ATG4A: variants seen among roughly 807,000 people sequenced by gnomAD.
ATG4A encodes cysteine protease ATG4A.
A neutral mutation model predicts 38.4 loss-of-function variants in ATG4A; 22 were observed. The ratio of observed to expected loss-of-function variants is 0.57; its 90% CI spans 0.41 to 0.82. The LOEUF (loss-of-function observed/expected upper bound fraction) is 0.82. Among genes scored for constraint, ATG4A ranks in the 40% least tolerant of loss-of-function variants. ATG4A has a pLI of 0.00. For missense variants in ATG4A, 220 were observed against 290.0 expected, an observed-to-expected ratio of 0.76 and a Z score of 1.75; for synonymous variants, 86 against 100.7, an observed-to-expected ratio of 0.85 and a Z score of 0.88.
intron 1 of ATG4A, among the ~76,000 whole-genome samples, chrX:108,118,924 TATG>T (rs2147986538): frequency 8.9e-6 from 1 of 112,365 alleles, no homozygotes; most frequent in Non-Finnish European, 1.9e-5. Context: ...TTAATTCGAT[TATG>T]ATATTATGAT....
intron 1 of ATG4A, among the ~76,000 whole-genome samples, chrX:108,098,441 T>A (rs762866290): frequency 1.8e-5 from 2 of 111,925 alleles, no homozygotes; most frequent in Non-Finnish European, 3.8e-5. Context: ...CCCCATATAA[T>A]CTTCATCTGA....
chrX:108,131,724 C>T (rs900139880), intron 4 of ATG4A, among the ~76,000 whole-genome samples: 1 of 111,793 alleles, frequency 8.9e-6, no homozygotes, highest in Admixed American at 9.4e-5. Context: ...TTCTTGACCT[C>T]ATTTAAGATA....
Position 108,150,152 on chromosome X carries a change from G to A in ATG4A, c.815G>A (p.Gly272Asp), listed in dbSNP as rs761392331. Reference sequence around the variant, plus strand: ...GTTAAGCATATCTCCTTCAAAACAGGTGACGAGCTCATCTTCTTGGACCCT... The same window carrying A: ...GTTAAGCATATCTCCTTCAAAACAGATGACGAGCTCATCTTCTTGGACCCT... ...NNAYYFIGFL[G>D]DELIFLDPHT... Residue 272 changes from glycine to aspartate, a missense_variant and splice_region_variant, in exon 10 of 13, where the codon GGT becomes GAT. By Grantham distance (94) the Gly-to-Asp change is moderately conservative. Coordinates refer to ENST00000372232, the MANE Select transcript of ATG4A (RefSeq NM_052936.5). The A allele has an allele frequency of 8.3e-7, 1 of 1,211,205 alleles. No individual in the cohort carries two copies. The highest frequency in any genetic ancestry group is 1.8e-5 in the South Asian group (1 of 56,896).
rs147917299 is a variant in ATG4A at position 108,107,813 on chromosome X, C to A, written c.10+15977C>A. Among the ~76,000 whole-genome samples the A allele has an allele frequency of 1.8e-4, 20 of 111,120 alleles. No homozygotes were observed. In the East Asian group the frequency reaches 5.4e-3, roughly 30 times the overall value. On this transcript the variant is annotated intron_variant, in intron 1 of 12. Coordinates refer to ENST00000372232, the MANE Select transcript of ATG4A (RefSeq NM_052936.5). ...AATTTCAGGATCCTCACTAGGCCTC[C>A]AGTGACACCACTGACACCTCCCTAG...
At chrX:108,109,982 G>A (rs2032309449) in intron 1 of ATG4A, among the ~76,000 whole-genome samples, 1 of 110,910 alleles carries the variant, frequency 9.0e-6, no homozygotes, top group African/African-American at 3.3e-5. Flanking sequence ...GTTTTAGGAT[G>A]AATTTTCCTT....
chrX:108,110,668 A>G (rs1047279930), intron 1 of ATG4A, among the ~76,000 whole-genome samples: 1 of 111,882 alleles, frequency 8.9e-6, no homozygotes, highest in Non-Finnish European at 1.9e-5. Flanking sequence ...ACTTTTTTCA[A>G]CTTTCACATA....
At chrX:108,144,044 C>T (rs759377409) in intron 9 of ATG4A, among the ~76,000 whole-genome samples, 2 of 111,936 alleles carry the variant, frequency 1.8e-5, no homozygotes, top group Non-Finnish European at 3.8e-5. Flanking sequence ...GAGCTCACTG[C>T]CACACTTTCT....
At chrX:108,146,721 C>T (rs1418460487) in intron 9 of ATG4A, among the ~76,000 whole-genome samples, 5 of 111,971 alleles carry the variant, frequency 4.5e-5, no homozygotes, top group Non-Finnish European at 7.5e-5. Flanking sequence ...ATCCACTCCA[C>T]CATCCCAATC....
intron 1 of ATG4A, among the ~76,000 whole-genome samples, chrX:108,098,068 C>G (rs56257303): frequency 0.35 from 38,727 of 110,684 alleles, 5,313 homozygotes; most frequent in Non-Finnish European, 0.42. Context: ...CCCATCAACT[C>G]GTCATTTACA....
intron 1 of ATG4A, among the ~76,000 whole-genome samples, chrX:108,121,087 T>A (rs1435912116): frequency 8.9e-6 from 1 of 111,858 alleles, no homozygotes; most frequent in African/African-American, 3.3e-5. Flanking sequence ...CAATCTTCTG[T>A]TTTCTAAGTT....
Position 108,150,308 on chromosome X carries a change from G to T in ATG4A, c.960+11G>T, listed in dbSNP as rs371883076. The T allele has an allele frequency of 8.3e-7, 1 of 1,211,417 alleles. No individual in the cohort carries two copies. Among genetic ancestry groups the T allele is most frequent in the Non-Finnish European group, 1.1e-6 (1 of 895,265 alleles). On this transcript the variant is annotated intron_variant, in intron 10 of 12. Transcript: ENST00000372232. ...CCTTCAGTTGCATTGGTGGGTATTC[G>T]TAGGTTGGGTGGGCCAGGAGATACG... is the stretch of plus-strand genomic sequence containing the variant.
At chrX:108,139,353 G>A (rs750188704) in intron 9 of ATG4A, among the ~76,000 whole-genome samples, 28 of 112,303 alleles carry the variant, frequency 2.5e-4, no homozygotes, top group Non-Finnish European at 4.3e-4. Flanking sequence ...TCATCTTACA[G>A]TAAAGTGTTC....
intron 1 of ATG4A, among the ~76,000 whole-genome samples, chrX:108,116,635 C>A (rs1230984642): frequency 3.6e-5 from 4 of 111,847 alleles, no homozygotes; most frequent in African/African-American, 1.3e-4. Flanking sequence ...TTGCAGGATA[C>A]CCAGACTGGA....
intron 1 of ATG4A, among the ~76,000 whole-genome samples, chrX:108,121,900 A>G (rs931792496): frequency 7.1e-5 from 8 of 112,028 alleles, no homozygotes; most frequent in Admixed American, 6.6e-4. Flanking sequence ...TACCCTACCT[A>G]TCCCCTGTGG....
chrX:108,126,236 C>T lies in ATG4A; in HGVS notation c.121+49C>T, dbSNP rs1426251353. 3.2e-6 allele frequency: 3 copies of T among 947,254 alleles called. No homozygotes were observed. The African/African-American group carries it at 5.8e-5, about 18-fold the overall frequency. The allele number at this position is 947,254 out of a possible 1,213,427, so 78.1% of individuals were successfully genotyped here. Reference sequence around the variant, plus strand: ...GTAAGAACCCAGATGAGGTAGGCACCTGTGGTTCAGGGTTTGTACTTTTTC... The same window carrying T: ...GTAAGAACCCAGATGAGGTAGGCACTTGTGGTTCAGGGTTTGTACTTTTTC... On this transcript the variant is annotated intron_variant, in intron 2 of 12. Coordinates refer to ENST00000372232, the MANE Select transcript of ATG4A (RefSeq NM_052936.5).
chrX:108,113,321 C>G (rs2032415801), intron 1 of ATG4A, among the ~76,000 whole-genome samples: 1 of 111,655 alleles, frequency 9.0e-6, no homozygotes, highest in Admixed American at 9.5e-5. Context: ...AACTCTGGTG[C>G]ACATCATTTC....
At chrX:108,135,632 A>C (rs1373808449) in intron 6 of ATG4A, among the ~76,000 whole-genome samples, 1 of 111,827 alleles carries the variant, frequency 8.9e-6, no homozygotes, top group Non-Finnish European at 1.9e-5. Flanking sequence ...TTCAGGAATC[A>C]CTGTATGAAC....
At chrX:108,144,346 C>G (rs900061802) in intron 9 of ATG4A, among the ~76,000 whole-genome samples, 5 of 112,564 alleles carry the variant, frequency 4.4e-5, no homozygotes, top group African/African-American at 1.6e-4. Flanking sequence ...TCTGCCCTTT[C>G]CGTGATGGAA....
In ATG4A at chrX:108,114,233, C is replaced by T. The variant is rs185907475; in HGVS notation, c.11-11844C>T. On this transcript the variant is annotated intron_variant, in intron 1 of 12. Transcript: ENST00000372232. ...CACCGAGGCACAAGCTCTTATTAAA[C>T]GCTTAGTTTGGGGCATATTAACATT... is the stretch of plus-strand genomic sequence containing the variant. 8.4e-4 allele frequency among the ~76,000 whole-genome samples: 94 copies of T among 111,313 alleles called. 2 individuals carry two copies. The East Asian group carries it at 0.023, about 27-fold the overall frequency.
Sources: allele counts gnomAD v4.1 joint callset (sites outside exome capture counted in the v4.1 genomes callset), GRCh38; gene constraint gnomAD v4.1.1; transcripts MANE v1.5; gene names NCBI Gene and HGNC (gene_info 2026-07-23, HGNC 2026-07-21).